AMD1: variants seen among roughly 807,000 people sequenced by gnomAD.
AMD1 encodes the protein S-adenosylmethionine decarboxylase proenzyme.
A neutral mutation model predicts 40.2 loss-of-function variants in AMD1; 11 were observed. The observed-to-expected ratio is 0.27, with a 90% CI of 0.17 to 0.45. The LOEUF is 0.45. Ranked by LOEUF, AMD1 falls within the 20% of genes least tolerant of loss-of-function variation. The probability of loss-of-function intolerance (pLI) is 1.00; values close to 1 mark genes in which losing one functional copy is unlikely to be tolerated. For synonymous variants in AMD1, 121 were observed against 130.8 expected (o/e 0.93, Z 0.51); for missense variants, 257 against 410.2 (o/e 0.63, Z 3.23).
At position 110,890,346 on chromosome 6, in the gene AMD1, A is replaced by G. The variant is rs779059721; in HGVS notation, c.417A>G (p.Ala139=). 4 of 1,591,498 alleles carry G rather than the reference A, an allele frequency of 2.5e-6. No individual in the cohort carries two copies. The highest frequency in any genetic ancestry group is 1.7e-6 in the Non-Finnish European group (2 of 1,172,670). ...AGGAAGAAATAGAGTTTCTTAATGC[A>G]ATTTTCCCAAGTAAGTTTAAATAAA... The part of the protein sequence containing the change: ...NFQEEIEFLN[A]IFPNGAAYCM... Residue 139 remains alanine, a synonymous_variant, in exon 4 of 9, where the codon GCA becomes GCG. Transcript: ENST00000368885.
chr6:110,846,396 A>G, the AMD1 span, among the ~76,000 whole-genome samples: 1 of 152,256 alleles, frequency 6.6e-6, no homozygotes, highest in Admixed American at 6.5e-5. Context: ...ATGCATAAAT[A>G]GCTATCCTGA....
chr6:110,824,857 A>G, the AMD1 span, among the ~76,000 whole-genome samples: 4 of 152,276 alleles, frequency 2.6e-5, no homozygotes, highest in South Asian at 6.2e-4. Flanking sequence ...ACGTTAGCTA[A>G]TATAAGCCTC....
At chr6:110,826,099 C>G in the AMD1 span, among the ~76,000 whole-genome samples, 1 of 149,090 alleles carries the variant, frequency 6.7e-6, no homozygotes, top group Admixed American at 6.8e-5. Flanking sequence ...CCTAGGAGTT[C>G]GAGGCTGCAG....
chr6:110,851,810 A>T, the AMD1 span, among the ~76,000 whole-genome samples: 530 of 152,268 alleles, frequency 3.5e-3, 3 homozygotes, highest in South Asian at 0.021. Context: ...CCCAGCTTGT[A>T]TAAATTAAGT....
At chr6:110,842,442 A>G in the AMD1 span, among the ~76,000 whole-genome samples, 2 of 151,948 alleles carry the variant, frequency 1.3e-5, no homozygotes, top group African/African-American at 2.4e-5. Flanking sequence ...CTATAACACA[A>G]CCCTCTGCAT....
the AMD1 span, among the ~76,000 whole-genome samples, chr6:110,839,696 T>C: frequency 2.6e-5 from 4 of 152,154 alleles, no homozygotes; most frequent in East Asian, 7.7e-4. Context: ...TTTTTTTTAG[T>C]GGGGGCATGG....
At chr6:110,886,754 C>T (rs1785709131) in intron 1 of AMD1, among the ~76,000 whole-genome samples, 1 of 152,226 alleles carries the variant, frequency 6.6e-6, no homozygotes, top group South Asian at 2.1e-4. Context: ...ACCTGGGCGA[C>T]AGAGTGAGAC....
the AMD1 span, among the ~76,000 whole-genome samples, chr6:110,861,174 T>C: frequency 1.2e-3 from 178 of 152,062 alleles, no homozygotes; most frequent in Non-Finnish European, 1.7e-3. Context: ...CTGGCTAACA[T>C]GGTGAAACCT....
At chr6:110,826,734 C>G in the AMD1 span, among the ~76,000 whole-genome samples, 1 of 149,536 alleles carries the variant, frequency 6.7e-6, no homozygotes, top group African/African-American at 2.5e-5. Flanking sequence ...CTTGTTGGCC[C>G]AGGCTGGAGT....
At chr6:110,853,600 C>G in the AMD1 span, among the ~76,000 whole-genome samples, 30 of 152,174 alleles carry the variant, frequency 2.0e-4, no homozygotes, top group Non-Finnish European at 4.0e-4. Flanking sequence ...AGCCACCGCA[C>G]CTGGCCATTT....
chr6:110,815,247 G>C, the AMD1 span: 5 of 1,214,794 alleles, frequency 4.1e-6, no homozygotes, highest in South Asian at 4.8e-5. Flanking sequence ...CCTCTCGCGC[G>C]CGCGCGCGCG....
upstream of AMD1, among the ~76,000 whole-genome samples, chr6:110,874,433 G>A (rs1047843217): frequency 6.6e-6 from 1 of 151,570 alleles, no homozygotes; most frequent in African/African-American, 2.4e-5. Context: ...CACCCCTAAG[G>A]ACCCACCCAT....
At chr6:110,885,471 C>T (rs1280669601) in intron 1 of AMD1, among the ~76,000 whole-genome samples, 1 of 151,960 alleles carries the variant, frequency 6.6e-6, no homozygotes, top group Non-Finnish European at 1.5e-5. Context: ...CCCTCTGTTG[C>T]CCAGGCTGGT....
the AMD1 span, among the ~76,000 whole-genome samples, chr6:110,822,748 T>G: frequency 6.6e-6 from 1 of 152,184 alleles, no homozygotes. Context: ...CAAGTGGGTT[T>G]CAGCCCAGGG....
Position 110,892,724 on chromosome 6 carries a change from T to TTCC in AMD1, c.616-11_616-10insTCC, listed in dbSNP as rs1554237996. 5 of 1,541,136 alleles carry TTCC rather than the reference T, an allele frequency of 3.2e-6. No homozygotes were observed. Among genetic ancestry groups the TTCC allele is most frequent in the South Asian group, 1.1e-5 (1 of 87,234 alleles). ...AAACCCTTGTTAAACTCGGTCTTTTTCCCCCCCCAGGAGAGTGGAATTCGT... is the reference window on the plus strand; with the variant it reads ...AAACCCTTGTTAAACTCGGTCTTTTTTCCCCCCCCCCAGGAGAGTGGAATTCGT... On this transcript the variant is annotated splice_polypyrimidine_tract_variant and intron_variant, in intron 6 of 8. Transcript: ENST00000368885.
chr6:110,833,186 T>G, the AMD1 span, among the ~76,000 whole-genome samples: 1 of 152,170 alleles, frequency 6.6e-6, no homozygotes, highest in Non-Finnish European at 1.5e-5. Flanking sequence ...TCTATTTCAT[T>G]CACCAAGAAA....
At chr6:110,835,795 G>A in the AMD1 span, among the ~76,000 whole-genome samples, 2 of 151,718 alleles carry the variant, frequency 1.3e-5, no homozygotes, top group African/African-American at 4.8e-5. Context: ...AACCCAGGAG[G>A]CAGAGGTTGC....
At chr6:110,880,555 C>T (rs1448046041) in intron 1 of AMD1, among the ~76,000 whole-genome samples, 1 of 152,108 alleles carries the variant, frequency 6.6e-6, no homozygotes, top group Non-Finnish European at 1.5e-5. Context: ...GGTAAAAGTC[C>T]AACTTAATTT....
the AMD1 span, among the ~76,000 whole-genome samples, chr6:110,819,397 G>A: frequency 6.6e-6 from 1 of 152,018 alleles, no homozygotes; most frequent in Non-Finnish European, 1.5e-5. Context: ...TCTGAACCAC[G>A]GAAGAGCAGC....
Sources: allele counts gnomAD v4.1 joint callset (sites outside exome capture counted in the v4.1 genomes callset), GRCh38; gene constraint gnomAD v4.1.1; transcripts MANE v1.5; gene names NCBI Gene and HGNC (gene_info 2026-07-23, HGNC 2026-07-21).